Variants in NFIB observed in about 807,000 individuals in gnomAD.
The protein encoded by NFIB is nuclear factor I B.
NFIB carries 11 observed loss-of-function variants against 61.5 expected under a neutral mutation model. That is an observed-to-expected ratio of 0.18 (90% confidence interval 0.11 to 0.30). The LOEUF is 0.30. NFIB is among the 10% of genes least tolerant of loss of function. The probability of loss-of-function intolerance (pLI) is 1.00; values close to 1 mark genes in which losing one functional copy is unlikely to be tolerated. For missense variants in NFIB, 471 were observed against 608.9 expected, an observed-to-expected ratio of 0.77 and a Z score of 2.38; for synonymous variants, 260 against 216.5, an observed-to-expected ratio of 1.20 and a Z score of -1.76.
At chr9:14,513,632 A>AT in the NFIB span, among the ~76,000 whole-genome samples, 1 of 146,750 alleles carries the variant, frequency 6.8e-6, no homozygotes, top group Non-Finnish European at 1.5e-5. Context: ...CATCTCAAAA[A>AT]AAAAAAAGAA....
At chr9:14,298,169 T>C (rs1292298758) in intron 2 of NFIB, among the ~76,000 whole-genome samples, 2 of 152,152 alleles carry the variant, frequency 1.3e-5, no homozygotes, top group African/African-American at 2.4e-5. Context: ...AGTTACAACA[T>C]TAACTCATTT....
chr9:14,408,146 C>T, the NFIB span, among the ~76,000 whole-genome samples: 1 of 152,138 alleles, frequency 6.6e-6, no homozygotes, highest in East Asian at 1.9e-4. Flanking sequence ...TAAAGATGCA[C>T]ATGGCAATAA....
rs568227043 is a variant in NFIB at position 14,082,689 on chromosome 9, C to G, written c.*5620G>C. 124 of 163,590 alleles carry G rather than the reference C, an allele frequency of 7.6e-4. No homozygotes were observed. The highest frequency in any genetic ancestry group is 2.1e-3 in the Middle Eastern group (1 of 472). 10.1% of individuals were successfully genotyped at this position (163,590 alleles called of 1,614,324 possible). A position where few individuals can be genotyped will look rare whatever the true frequency, so the allele number is the denominator to read the frequency against. On this transcript the variant is annotated 3_prime_UTR_variant, in exon 11 of 11. Transcript: ENST00000380953. The stretch of plus-strand genomic sequence containing the variant: ...GCTGGTTTTTTTTTTTTGTTTGTTT[C>G]TTTCTTGTTTTGCATCAACTTTTAT...
the NFIB span, among the ~76,000 whole-genome samples, chr9:14,513,694 G>C: frequency 6.6e-6 from 1 of 151,068 alleles, no homozygotes; most frequent in South Asian, 2.1e-4. Context: ...AAAAGCTATA[G>C]TTTTTTTTCT....
intron 2 of NFIB, chr9:14,204,572 GAGA>G: frequency 7.4e-7 from 1 of 1,349,634 alleles, no homozygotes; most frequent in Non-Finnish European, 1.0e-6. Context: ...GACAAAGCAA[GAGA>G]AGAAGCAGAG....
chr9:14,381,613 G>A (rs1346403521), intron 1 of NFIB, among the ~76,000 whole-genome samples: 1 of 152,246 alleles, frequency 6.6e-6, no homozygotes, highest in East Asian at 1.9e-4. Context: ...GGCAGCTGGT[G>A]TCATTTTGTG....
At chr9:14,394,774 C>T (rs779846333) in intron 1 of NFIB, among the ~76,000 whole-genome samples, 18 of 152,154 alleles carry the variant, frequency 1.2e-4, no homozygotes, top group Non-Finnish European at 2.5e-4. Context: ...CTGACATTTC[C>T]TAACTGTGAT....
intron 1 of NFIB, among the ~76,000 whole-genome samples, chr9:14,386,793 T>G (rs1052377104): frequency 3.3e-5 from 5 of 152,322 alleles, no homozygotes; most frequent in Admixed American, 3.3e-4. Flanking sequence ...GGAATATTTT[T>G]AAATGTAGAA....
At chr9:14,301,896 T>C (rs1287998092) in intron 2 of NFIB, among the ~76,000 whole-genome samples, 2 of 152,226 alleles carry the variant, frequency 1.3e-5, no homozygotes, top group Non-Finnish European at 2.9e-5. Flanking sequence ...CCCTTCTTTA[T>C]CTTGTGAATT....
the NFIB span, among the ~76,000 whole-genome samples, chr9:14,447,126 G>C: frequency 6.6e-6 from 1 of 152,022 alleles, no homozygotes. Context: ...TTGAAAGTCT[G>C]TTTGGTTATG....
the NFIB span, among the ~76,000 whole-genome samples, chr9:14,438,763 T>C: frequency 2.0e-5 from 3 of 152,100 alleles, no homozygotes; most frequent in Non-Finnish European, 4.4e-5. Context: ...CGGGGGCTGA[T>C]CCATTAATGA....
At chr9:14,176,256 TAAAA>T (rs58705977) in intron 3 of NFIB, among the ~76,000 whole-genome samples, 8 of 131,442 alleles carry the variant, frequency 6.1e-5, no homozygotes, top group African/African-American at 8.4e-5. Context: ...ATTAACTTGT[TAAAA>T]AAAAAAAAAA....
chr9:14,339,727 G>A (rs1482522635), intron 1 of NFIB, among the ~76,000 whole-genome samples: 3 of 152,146 alleles, frequency 2.0e-5, no homozygotes, highest in Admixed American at 6.5e-5. Flanking sequence ...ATTACCCACT[G>A]CTCATAGACA....
At chr9:14,177,365 C>CA (rs150673773) in intron 3 of NFIB, among the ~76,000 whole-genome samples, 7,636 of 152,198 alleles carry the variant, frequency 0.05, 274 homozygotes, top group Middle Eastern at 0.17. Context: ...TCTAGTTGTT[C>CA]ACATTTAAAA....
At chr9:14,178,686 T>C (rs867956300) in intron 3 of NFIB, among the ~76,000 whole-genome samples, 5 of 152,304 alleles carry the variant, frequency 3.3e-5, no homozygotes, top group South Asian at 4.1e-4. Context: ...TACTTGTATA[T>C]CTACTTGCTG....
rs2038935143 is a variant in NFIB at position 14,121,496 on chromosome 9, C to T, written c.1061-872G>A. On this transcript the variant is annotated intron_variant, in intron 7 of 10. Coordinates refer to ENST00000380953, the MANE Select transcript of NFIB (RefSeq NM_001190737.2). The stretch of plus-strand genomic sequence containing the variant: ...GAAGGAAAGACAATAACTAATACAA[C>T]ATCATCTCATGTCATTTATAATTGT... Among the ~76,000 whole-genome samples the T allele has an allele frequency of 2.0e-5, 3 of 152,178 alleles. 1 individual carries two copies. The highest frequency in any genetic ancestry group is 7.2e-5 in the African/African-American group (3 of 41,452).
intron 9 of NFIB, among the ~76,000 whole-genome samples, chr9:14,113,548 T>C (rs1404577411): frequency 6.6e-6 from 1 of 152,228 alleles, no homozygotes; most frequent in Non-Finnish European, 1.5e-5. Flanking sequence ...TTCTTAATGA[T>C]ATGGGATGGA....
the NFIB span, among the ~76,000 whole-genome samples, chr9:14,430,828 C>G: frequency 6.6e-6 from 1 of 152,102 alleles, no homozygotes; most frequent in Non-Finnish European, 1.5e-5. Context: ...GTGATCCAGC[C>G]ACCTCGGCCT....
intron 2 of NFIB, among the ~76,000 whole-genome samples, chr9:14,248,907 T>C (rs764402710): frequency 1.3e-5 from 2 of 152,176 alleles, no homozygotes; most frequent in Non-Finnish European, 1.5e-5. Context: ...GAGAATGGCA[T>C]AGGAAGAGAA....
Sources: gnomAD v4.1 joint callset for allele counts (sites outside exome capture counted in the v4.1 genomes callset) on GRCh38, gnomAD v4.1.1 for gene constraint, MANE v1.5 for transcripts, NCBI Gene and HGNC (gene_info 2026-07-23, HGNC 2026-07-21) for gene names.